Variants in PTPRZ1 observed in about 807,000 individuals in gnomAD.
PTPRZ1 encodes protein tyrosine phosphatase receptor type Z1.
A neutral mutation model predicts 214.1 loss-of-function variants in PTPRZ1; 82 were observed. The observed-to-expected ratio is 0.38, with a 90% CI of 0.32 to 0.46. The LOEUF is 0.46. Among genes scored for constraint, PTPRZ1 ranks in the 20% least tolerant of loss-of-function variants. The probability of loss-of-function intolerance (pLI) is 1.00; values close to 1 mark genes in which losing one functional copy is unlikely to be tolerated. For synonymous variants in PTPRZ1, 945 were observed against 987.9 expected (o/e 0.96, Z 0.81); for missense variants, 2,603 against 2,748.7 (o/e 0.95, Z 1.19).
Position 121,873,373 on chromosome 7 carries a change from C to A in PTPRZ1, c.-127C>A. ...ACAAACACACATACGCACGCACGAT[C>A]TCACTTCGATCTATACACTGGAGGA... On this transcript the variant is annotated 5_prime_UTR_variant, in exon 1 of 30. Coordinates refer to ENST00000393386, the MANE Select transcript of PTPRZ1 (RefSeq NM_002851.3). 1 of 835,104 alleles carries A rather than the reference C, an allele frequency of 1.2e-6. No homozygotes were observed. The highest frequency in any genetic ancestry group is 1.9e-6 in the Non-Finnish European group (1 of 526,146). 51.7% of individuals were successfully genotyped at this position (835,104 alleles called of 1,614,324 possible).
chr7:121,929,532 G>A (rs903273962), intron 2 of PTPRZ1, among the ~76,000 whole-genome samples: 4 of 150,982 alleles, frequency 2.6e-5, no homozygotes, highest in Admixed American at 6.6e-5. Flanking sequence ...TTCAAGCCAG[G>A]TGTGGTGGCT....
chr7:122,013,187 C>T lies in PTPRZ1; in HGVS notation c.4141C>T (p.Pro1381Ser). 6.2e-7 allele frequency: 1 copy of T among 1,614,104 alleles called. No individual in the cohort carries two copies. The highest frequency in any genetic ancestry group is 8.5e-7 in the Non-Finnish European group (1 of 1,179,990). Residue 1381 changes from proline to serine, a missense_variant, in exon 12 of 30, where the codon CCC (proline) becomes TCC (serine). By Grantham distance (74) the Pro-to-Ser change is moderately conservative. This residue lies in a region of PTPRZ1 where 1,913 missense variants were observed against 1,914.3 expected (regional missense o/e 1.00). Coordinates refer to ENST00000393386, the MANE Select transcript of PTPRZ1 (RefSeq NM_002851.3). ...GCATGTTGCCATTACAGCTGTTTCT[C>T]CCCACAGAGATGGTTCTGTAACCTC... is the stretch of plus-strand genomic sequence containing the variant. Reference protein sequence around the residue: ...NGHVAITAVSPHRDGSVTSTK... With the variant: ...NGHVAITAVSSHRDGSVTSTK...
At chr7:121,934,465 G>GCAA (rs2116396226) in intron 2 of PTPRZ1, among the ~76,000 whole-genome samples, 1 of 132,930 alleles carries the variant, frequency 7.5e-6, no homozygotes, top group Non-Finnish European at 1.5e-5. Context: ...TCTAGCCTGG[G>GCAA]CAACAAAGCG....
rs908338389 is a variant in PTPRZ1 at position 122,023,621 on chromosome 7, ATATT to A, written c.4988+4354_4988+4357del. Among the ~76,000 whole-genome samples, 220 of 131,532 alleles carry A rather than the reference ATATT, an allele frequency of 1.7e-3. 2 individuals carry two copies. Among genetic ancestry groups the A allele is most frequent in the Non-Finnish European group, 2.8e-3 (179 of 64,178 alleles). The allele number at this position is 131,532 out of a possible 152,430, so 86.3% of individuals were successfully genotyped here. On this transcript the variant is annotated intron_variant, in intron 13 of 29. Coordinates refer to ENST00000393386, the MANE Select transcript of PTPRZ1 (RefSeq NM_002851.3). Reference sequence around the variant, plus strand: ...TGTATAATTTTATATATAATTATATATATTATATGTATAATTTTATATATAATTA... The same window carrying A: ...TGTATAATTTTATATATAATTATATAATATGTATAATTTTATATATAATTA...
chr7:121,893,228 A>G (rs1794691933), intron 1 of PTPRZ1, among the ~76,000 whole-genome samples: 1 of 152,178 alleles, frequency 6.6e-6, no homozygotes, highest in South Asian at 2.1e-4. Context: ...ATCAGTTAGA[A>G]TATAGTTTGA....
intron 1 of PTPRZ1, among the ~76,000 whole-genome samples, chr7:121,911,026 GACA>G (rs766903034): frequency 8.5e-5 from 13 of 152,092 alleles, no homozygotes; most frequent in African/African-American, 3.1e-4. Flanking sequence ...CTTAGCTAAT[GACA>G]ACAATAAAAG....
At chr7:122,019,010 G>A in intron 12 of PTPRZ1, 114 bp from the exon 13 acceptor site, 2 of 1,008,420 alleles carry the variant, frequency 2.0e-6, no homozygotes, top group Non-Finnish European at 1.4e-6. Context: ...GCATCAAAGA[G>A]TCAAAATTTT....
intron 8 of PTPRZ1, 149 bp from the exon 9 acceptor site, chr7:121,996,233 T>G: frequency 1.8e-6 from 1 of 552,498 alleles, no homozygotes; most frequent in South Asian, 3.4e-5. Context: ...ATATAGGAAA[T>G]GGAATAAGCA....
intron 26 of PTPRZ1, 70 bp downstream of exon 26, chr7:122,054,108 C>T (rs965916591): frequency 6.2e-5 from 95 of 1,531,396 alleles, no homozygotes; most frequent in Non-Finnish European, 7.7e-5. Context: ...GCAAAAAGTC[C>T]AGCATACAAA....
intron 2 of PTPRZ1, among the ~76,000 whole-genome samples, chr7:121,954,796 G>C (rs1584678402): frequency 6.6e-6 from 1 of 152,324 alleles, no homozygotes; most frequent in East Asian, 1.9e-4. Context: ...GCAGCGTTAA[G>C]TTTTCATGGG....
At position 121,983,796 on chromosome 7, in the gene PTPRZ1, G is replaced by C; in HGVS notation, c.751G>C (p.Asp251His). Residue 251 changes from aspartate (D) to histidine (H), a missense_variant, in exon 7 of 30, where the codon GAT becomes CAT. This residue lies in a region of PTPRZ1 where 244 missense variants were observed against 333.2 expected (regional missense o/e 0.73). Coordinates refer to ENST00000393386, the MANE Select transcript of PTPRZ1 (RefSeq NM_002851.3). The part of the protein sequence containing the change: ...TDTVDWIVFK[D>H]TVSISESQLA... The stretch of plus-strand genomic sequence containing the variant: ...CACAGTTGACTGGATTGTTTTTAAA[G>C]ATACAGTTAGCATCTCTGAAAGCCA... 1 of 1,612,844 alleles carries C rather than the reference G, an allele frequency of 6.2e-7. No individual in the cohort carries two copies. Among genetic ancestry groups the C allele is most frequent in the Non-Finnish European group, 8.5e-7 (1 of 1,179,792 alleles).
At chr7:122,003,686 T>C (rs1798392060) in intron 10 of PTPRZ1, among the ~76,000 whole-genome samples, 1 of 152,168 alleles carries the variant, frequency 6.6e-6, no homozygotes, top group Non-Finnish European at 1.5e-5. Flanking sequence ...TTGAAGAACA[T>C]CATTATAATA....
Position 121,997,861 on chromosome 7 carries a change from A to G in PTPRZ1, c.1114-19A>G. 3.1e-6 allele frequency: 5 copies of G among 1,592,112 alleles called. No individual in the cohort carries two copies. The highest frequency in any genetic ancestry group is 4.3e-6 in the Non-Finnish European group (5 of 1,164,264). Reference sequence around the variant, plus strand: ...CTATGAGAATAACATTTGTATAATTACTAACATCTTTCTTTTAGGGTGCTA... The same window carrying G: ...CTATGAGAATAACATTTGTATAATTGCTAACATCTTTCTTTTAGGGTGCTA... On this transcript the variant is annotated intron_variant, in intron 9 of 29. Coordinates refer to ENST00000393386, the MANE Select transcript of PTPRZ1 (RefSeq NM_002851.3).
chr7:121,889,279 G>A (rs566312006), intron 1 of PTPRZ1, among the ~76,000 whole-genome samples: 1 of 152,174 alleles, frequency 6.6e-6, no homozygotes. Flanking sequence ...GGCTTCTGAA[G>A]TTTTTGATAA....
intron 2 of PTPRZ1, among the ~76,000 whole-genome samples, chr7:121,956,846 T>C (rs934194241): frequency 6.6e-6 from 1 of 152,158 alleles, no homozygotes; most frequent in Non-Finnish European, 1.5e-5. Flanking sequence ...CTCTCAAAAC[T>C]AGAAGGGAAA....
chr7:122,031,703 T>G (rs1799382447), intron 15 of PTPRZ1, 144 bp downstream of exon 15: 2 of 542,096 alleles, frequency 3.7e-6, no homozygotes, highest in Admixed American at 6.7e-5. Flanking sequence ...ACATATGTGT[T>G]TAGGAGATGT....
intron 27 of PTPRZ1, among the ~76,000 whole-genome samples, chr7:122,055,496 A>G (rs979492083): frequency 1.3e-5 from 2 of 151,724 alleles, no homozygotes; most frequent in African/African-American, 2.4e-5. Context: ...AATACTACCT[A>G]CCGAAACTTA....
chr7:122,060,199 TATAAAG>T (rs1792526012), intron 29 of PTPRZ1, among the ~76,000 whole-genome samples: 1 of 152,158 alleles, frequency 6.6e-6, no homozygotes, highest in Non-Finnish European at 1.5e-5. Context: ...TTAAGGGCCT[TATAAAG>T]GGACCTTCTT....
intron 1 of PTPRZ1, among the ~76,000 whole-genome samples, chr7:121,904,502 G>A (rs1332789402): frequency 6.6e-6 from 1 of 152,126 alleles, no homozygotes; most frequent in African/African-American, 2.4e-5. Context: ...GTTCTTAAAT[G>A]ATCATAATTA....
Sources: allele counts gnomAD v4.1 joint callset (sites outside exome capture counted in the v4.1 genomes callset), GRCh38; gene constraint gnomAD v4.1.1; regional missense constraint gnomAD v4.1.1; transcripts MANE v1.5; gene names NCBI Gene and HGNC (gene_info 2026-07-23, HGNC 2026-07-21).